The following FOXK2 variants were observed in gnomAD, a reference collection of about 807,000 sequenced individuals.
FOXK2 encodes forkhead box protein K2.
Under a neutral mutation model 53.3 loss-of-function variants are expected in FOXK2, and 24 were observed. The ratio of observed to expected loss-of-function variants is 0.45; its 90% CI spans 0.33 to 0.63. FOXK2 has a LOEUF of 0.63. Among genes scored for constraint, FOXK2 ranks in the 30% least tolerant of loss-of-function variants. The pLI is 0.03. For synonymous variants in FOXK2, 505 were observed against 407.1 expected (o/e 1.24, Z -2.89); for missense variants, 952 against 910.5 (o/e 1.05, Z -0.59).
At chr17:82,555,536 A>C (rs1403020753) in intron 1 of FOXK2, among the ~76,000 whole-genome samples, 1 of 152,162 alleles carries the variant, frequency 6.6e-6, no homozygotes, top group Non-Finnish European at 1.5e-5. Context: ...CCTACATTCA[A>C]ATAAATTATA....
At chr17:82,593,383 G>T (rs113302476) in intron 8 of FOXK2, 1 of 152,548 alleles carries the variant, frequency 6.6e-6, no homozygotes, top group African/African-American at 2.4e-5. Context: ...GAGGGAAAGA[G>T]GAAGGAAGGA....
intron 8 of FOXK2, chr17:82,593,743 G>C (rs887882374): frequency 3.3e-5 from 5 of 152,412 alleles, no homozygotes; most frequent in African/African-American, 1.2e-4. Context: ...GCCAGATTTG[G>C]GGTGAGGATT....
intron 1 of FOXK2, among the ~76,000 whole-genome samples, chr17:82,547,384 A>C (rs1227390389): frequency 6.6e-6 from 1 of 152,074 alleles, no homozygotes; most frequent in African/African-American, 2.4e-5. Context: ...CACAAAAATC[A>C]TAATGTTTTA....
chr17:82,558,958 C>G (rs1237635256), intron 1 of FOXK2, among the ~76,000 whole-genome samples: 1 of 152,020 alleles, frequency 6.6e-6, no homozygotes, highest in African/African-American at 2.4e-5. Flanking sequence ...ACCGTGTTAT[C>G]CAGGATGGTC....
At chr17:82,572,977 C>G (rs1450686661) in intron 4 of FOXK2, among the ~76,000 whole-genome samples, 1 of 151,996 alleles carries the variant, frequency 6.6e-6, no homozygotes, top group Non-Finnish European at 1.5e-5. Context: ...GATCGCGTGA[C>G]TCTAGGATTT....
intron 3 of FOXK2, among the ~76,000 whole-genome samples, chr17:82,570,846 A>T (rs546562275): frequency 6.6e-6 from 1 of 152,164 alleles, no homozygotes; most frequent in Non-Finnish European, 1.5e-5. Flanking sequence ...ACAGGGAGCC[A>T]CCAGTGGCCT....
intron 4 of FOXK2, among the ~76,000 whole-genome samples, chr17:82,576,127 G>A (rs1391165142): frequency 4.0e-5 from 1 of 24,736 alleles, no homozygotes; most frequent in East Asian, 8.6e-4. Context: ...CCACACCAGC[G>A]TGTGTGCTCG....
chr17:82,535,227 A>G (rs1004286434), intron 1 of FOXK2, among the ~76,000 whole-genome samples: 8 of 152,154 alleles, frequency 5.3e-5, no homozygotes, highest in African/African-American at 1.7e-4. Flanking sequence ...ACAGTTATCC[A>G]GTCGCTTATC....
At chr17:82,572,425 G>A (rs2044928793) in intron 4 of FOXK2, among the ~76,000 whole-genome samples, 1 of 152,094 alleles carries the variant, frequency 6.6e-6, no homozygotes, top group African/African-American at 2.4e-5. Context: ...GAACCCCGGG[G>A]CTACCCCCAA....
At position 82,522,453 on chromosome 17, in the gene FOXK2, A is replaced by G. The variant is rs531166472; in HGVS notation, c.419+2146A>G. Among the ~76,000 whole-genome samples the G allele has an allele frequency of 2.2e-3, 322 of 147,854 alleles. 2 individuals are homozygous for G. Among genetic ancestry groups the G allele is most frequent in the African/African-American group, 1.3e-3 (52 of 39,936 alleles). ...GCGCAATCTCGGCTCACTGCAAGCT[A>G]TGCCTCCCGGGTTCACATCATTCTC... On this transcript the variant is annotated intron_variant, in intron 1 of 8. Coordinates refer to ENST00000335255, the MANE Select transcript of FOXK2 (RefSeq NM_004514.4).
intron 7 of FOXK2, among the ~76,000 whole-genome samples, chr17:82,586,403 G>T (rs866276214): frequency 2.3e-3 from 273 of 120,978 alleles, no homozygotes; most frequent in East Asian, 3.9e-3. Flanking sequence ...AAGGTGGGCG[G>T]GGGGGAAAGG....
chr17:82,554,779 C>G (rs1264952306), intron 1 of FOXK2, among the ~76,000 whole-genome samples: 1 of 150,160 alleles, frequency 6.7e-6, no homozygotes, highest in Non-Finnish European at 1.5e-5. Flanking sequence ...GAGTCTCGCT[C>G]TGTCGCCCAG....
intron 4 of FOXK2, among the ~76,000 whole-genome samples, chr17:82,581,904 G>C (rs981905782): frequency 6.6e-6 from 1 of 152,162 alleles, no homozygotes; most frequent in African/African-American, 2.4e-5. Flanking sequence ...CTGATGAGGA[G>C]CTGGGAGGGA....
intron 1 of FOXK2, among the ~76,000 whole-genome samples, chr17:82,557,598 C>T (rs1334488716): frequency 6.6e-6 from 1 of 152,164 alleles, no homozygotes; most frequent in African/African-American, 2.4e-5. Flanking sequence ...CCTGCCTTGG[C>T]CTCCAAAAGT....
intron 1 of FOXK2, among the ~76,000 whole-genome samples, chr17:82,546,213 T>G (rs1335777690): frequency 7.0e-6 from 1 of 142,348 alleles, no homozygotes; most frequent in African/African-American, 2.6e-5. Flanking sequence ...GCCTCCTGGG[T>G]TCAAACAATT....
intron 1 of FOXK2, among the ~76,000 whole-genome samples, chr17:82,558,101 G>A (rs748553815): frequency 5.3e-5 from 8 of 152,160 alleles, no homozygotes; most frequent in Non-Finnish European, 1.2e-4. Flanking sequence ...GGGAGGCCAA[G>A]ACGGGAGGAT....
At chr17:82,578,893 A>G (rs1443697221) in intron 4 of FOXK2, among the ~76,000 whole-genome samples, 1 of 152,134 alleles carries the variant, frequency 6.6e-6, no homozygotes, top group African/African-American at 2.4e-5. Context: ...TATGGCCCCA[A>G]AGTCACCTTT....
intron 8 of FOXK2, chr17:82,596,025 C>T (rs1056138391): frequency 1.2e-5 from 14 of 1,145,196 alleles, no homozygotes; most frequent in East Asian, 1.4e-4. Flanking sequence ...TCACACTGCG[C>T]GTCTGTGCAT....
Position 82,587,044 on chromosome 17 carries a change from T to A in FOXK2, c.1577-19T>A. On this transcript the variant is annotated intron_variant, in intron 7 of 8. Transcript: ENST00000335255. ...GCTTTCCAGTAATATTAATGTCGTT[T>A]CTTTTCCTTTAATTTCAGTGAAAGT... 1 of 1,610,046 alleles carries A rather than the reference T, an allele frequency of 6.2e-7. No individual in the cohort carries two copies.
Sources: gnomAD v4.1 joint callset for allele counts (sites outside exome capture counted in the v4.1 genomes callset) on GRCh38, gnomAD v4.1.1 for gene constraint, MANE v1.5 for transcripts, NCBI Gene and HGNC (gene_info 2026-07-23, HGNC 2026-07-21) for gene names.